The following SBF2 variants were observed in gnomAD, a reference collection of about 807,000 sequenced individuals.
The protein encoded by SBF2 is SET binding factor 2.
In SBF2, 112 loss-of-function variants were observed where a neutral mutation model predicts 225.2. The ratio of observed to expected loss-of-function variants is 0.50; its 90% CI spans 0.43 to 0.58. SBF2 has a LOEUF of 0.58. Ranked by LOEUF, SBF2 falls within the 20% of genes least tolerant of loss-of-function variation. SBF2 has a pLI of 0.00. For missense variants in SBF2, 1,996 were observed against 2,206.2 expected (o/e 0.90, Z 1.91); for synonymous variants, 763 against 773.3 (o/e 0.99, Z 0.22).
intron 16 of SBF2, among the ~76,000 whole-genome samples, chr11:9,896,447 T>A (rs1041107912): frequency 6.6e-6 from 1 of 152,158 alleles, no homozygotes; most frequent in African/African-American, 2.4e-5. Flanking sequence ...ATGGGGATCA[T>A]CTTATAATTG....
intron 16 of SBF2, among the ~76,000 whole-genome samples, chr11:9,913,640 TA>T (rs1233811454): frequency 1.1e-5 from 1 of 93,164 alleles, no homozygotes; most frequent in African/African-American, 4.2e-5. Flanking sequence ...TAGCTGAGAT[TA>T]AAAAAATAAA....
chr11:10,060,219 A>C (rs1423947938), intron 2 of SBF2, among the ~76,000 whole-genome samples: 2 of 152,200 alleles, frequency 1.3e-5, no homozygotes, highest in Admixed American at 1.3e-4. Context: ...CCACAGAAAC[A>C]AAAATAACCA....
intron 17 of SBF2, among the ~76,000 whole-genome samples, chr11:9,884,619 C>T (rs186955129): frequency 4.1e-4 from 62 of 152,198 alleles, no homozygotes; most frequent in African/African-American, 1.3e-3. Flanking sequence ...TGGAGCACAA[C>T]GGAAGAGAAG....
At chr11:10,149,646 T>G (rs1010364020) in intron 2 of SBF2, 2 of 152,190 alleles carry the variant, frequency 1.3e-5, no homozygotes, top group African/African-American at 4.8e-5. Context: ...TGCCCAACCC[T>G]TAGGCCAATG....
chr11:10,257,527 T>C (rs1337548549), intron 1 of SBF2, among the ~76,000 whole-genome samples: 1 of 151,414 alleles, frequency 6.6e-6, no homozygotes, highest in Non-Finnish European at 1.5e-5. Flanking sequence ...AAAATAGGCA[T>C]GGTTGTGTGT....
At chr11:10,013,875 T>C (rs1948545721) in intron 6 of SBF2, among the ~76,000 whole-genome samples, 1 of 150,822 alleles carries the variant, frequency 6.6e-6, no homozygotes, top group African/African-American at 2.4e-5. Context: ...CCTTTTCCTC[T>C]ACTTACTTGC....
chr11:10,009,688 T>A (rs1277249968), intron 6 of SBF2, among the ~76,000 whole-genome samples: 1 of 152,228 alleles, frequency 6.6e-6, no homozygotes, highest in Non-Finnish European at 1.5e-5. Flanking sequence ...GTTCCAAGTC[T>A]TTGCTATTGT....
At chr11:10,193,228 T>C (rs1957241432) in intron 2 of SBF2, among the ~76,000 whole-genome samples, 1 of 149,638 alleles carries the variant, frequency 6.7e-6, no homozygotes, top group Non-Finnish European at 1.5e-5. Flanking sequence ...GACAATAACC[T>C]GGACATTTTC....
At chr11:9,930,205 T>C (rs1281951827) in intron 16 of SBF2, among the ~76,000 whole-genome samples, 3 of 152,222 alleles carry the variant, frequency 2.0e-5, no homozygotes, top group Non-Finnish European at 4.4e-5. Flanking sequence ...AGCCTAGTTA[T>C]AATGATTTAA....
At chr11:9,871,161 T>C (rs1276987692) in intron 17 of SBF2, among the ~76,000 whole-genome samples, 1 of 151,822 alleles carries the variant, frequency 6.6e-6, no homozygotes. Context: ...CTAATTAAAC[T>C]AAAGAGCTTC....
chr11:9,812,268 A>G (rs1032973520), intron 30 of SBF2, among the ~76,000 whole-genome samples: 2 of 152,184 alleles, frequency 1.3e-5, no homozygotes, highest in East Asian at 1.9e-4. Context: ...CCATCTAAAA[A>G]TAATTTTCTC....
chr11:10,186,172 G>A (rs1956927637), intron 2 of SBF2, among the ~76,000 whole-genome samples: 1 of 152,200 alleles, frequency 6.6e-6, no homozygotes, highest in South Asian at 2.1e-4. Context: ...ACAGACAAGT[G>A]GGAGAGATAT....
At chr11:9,945,141 C>T (rs918296214) in intron 16 of SBF2, among the ~76,000 whole-genome samples, 1 of 151,782 alleles carries the variant, frequency 6.6e-6, no homozygotes, top group Non-Finnish European at 1.5e-5. Context: ...AAAAAAAAGG[C>T]CAAACATCCA....
chr11:10,032,159 C>T (rs72858836), intron 3 of SBF2, among the ~76,000 whole-genome samples: 5 of 152,082 alleles, frequency 3.3e-5, no homozygotes, highest in South Asian at 2.1e-4. Flanking sequence ...CAATAAAAAA[C>T]GCTTAAAACA....
At chr11:9,974,568 C>T (rs900527524) in intron 13 of SBF2, among the ~76,000 whole-genome samples, 1 of 151,092 alleles carries the variant, frequency 6.6e-6, no homozygotes, top group Non-Finnish European at 1.5e-5. Flanking sequence ...TACTCTCACT[C>T]ACCTGCTGAA....
chr11:10,240,226 T>C (rs918039187), intron 1 of SBF2, among the ~76,000 whole-genome samples: 1 of 148,604 alleles, frequency 6.7e-6, no homozygotes, highest in Admixed American at 6.8e-5. Flanking sequence ...AAGTTGCTGA[T>C]CATTTTAGGA....
chr11:9,988,607 A>G (rs1377305646), intron 13 of SBF2, among the ~76,000 whole-genome samples: 1 of 152,166 alleles, frequency 6.6e-6, no homozygotes, highest in Non-Finnish European at 1.5e-5. Flanking sequence ...CGAATAGACA[A>G]TTCTCAAAAG....
chr11:10,153,853 G>A (rs769304129), intron 2 of SBF2, among the ~76,000 whole-genome samples: 1 of 152,048 alleles, frequency 6.6e-6, no homozygotes, highest in Non-Finnish European at 1.5e-5. Context: ...AATACACTGA[G>A]AGATGGATTG....
At chr11:10,293,741 T>C (rs1315848396) in intron 1 of SBF2, among the ~76,000 whole-genome samples, 17 of 151,648 alleles carry the variant, frequency 1.1e-4, no homozygotes, top group Non-Finnish European at 2.1e-4. Context: ...AGCGGGAGGG[T>C]CGCGAGACCC....
Sources: allele counts gnomAD v4.1 joint callset (sites outside exome capture counted in the v4.1 genomes callset), GRCh38; gene constraint gnomAD v4.1.1; transcripts MANE v1.5; gene names NCBI Gene and HGNC (gene_info 2026-07-23, HGNC 2026-07-21).